ROBO1: variants seen among roughly 807,000 people sequenced by gnomAD.
The protein encoded by ROBO1 is roundabout homolog 1.
ROBO1 carries 149 observed loss-of-function variants against 195.9 expected under a neutral mutation model. That is an observed-to-expected ratio of 0.76 (90% confidence interval 0.67 to 0.87). ROBO1 has a LOEUF of 0.87. Ranked by LOEUF, ROBO1 falls within the 40% of genes least tolerant of loss-of-function variation. The probability of loss-of-function intolerance (pLI) is 0.00; values close to 1 mark genes in which losing one functional copy is unlikely to be tolerated. For missense variants in ROBO1, 1,933 were observed against 2,068.3 expected, an observed-to-expected ratio of 0.93 and a Z score of 1.27; for synonymous variants, 816 against 733.2, an observed-to-expected ratio of 1.11 and a Z score of -1.82.
chr3:79,226,110 A>G (rs2082222774), intron 2 of ROBO1, among the ~76,000 whole-genome samples: 5 of 152,140 alleles, frequency 3.3e-5, no homozygotes, highest in Admixed American at 3.3e-4. Flanking sequence ...AGTTCAAATC[A>G]CCACTCTTAA....
chr3:79,415,304 A>T (rs563643630), intron 2 of ROBO1, among the ~76,000 whole-genome samples: 2 of 152,176 alleles, frequency 1.3e-5, no homozygotes, highest in Non-Finnish European at 2.9e-5. Flanking sequence ...CTGTATAATA[A>T]TATCTTACTT....
In ROBO1 at chr3:78,598,112, T is replaced by G. The variant is rs959132396; in HGVS notation, c.*801A>C. The G allele has an allele frequency of 1.3e-5, 2 of 152,726 alleles. No homozygotes were observed. The highest frequency in any genetic ancestry group is 6.8e-3 in the Middle Eastern group (2 of 294). The allele number at this position is 152,726 out of a possible 1,614,324, so 9.5% of individuals were successfully genotyped here. A position where few individuals can be genotyped will look rare whatever the true frequency, so the allele number is the denominator to read the frequency against. ...CTTACTCAATTGGTCATTAAAAACA[T>G]CCACTTGTTTGTAATACGTATTTAT... On this transcript the variant is annotated 3_prime_UTR_variant, in exon 31 of 31. Transcript: ENST00000464233.
At chr3:79,681,136 A>G (rs183204409) in intron 1 of ROBO1, among the ~76,000 whole-genome samples, 23 of 152,130 alleles carry the variant, frequency 1.5e-4, no homozygotes, top group Admixed American at 3.9e-4. Context: ...TTTAGAAGAG[A>G]CTAACATTAT....
At chr3:78,887,996 T>C (rs2036663135) in intron 4 of ROBO1, among the ~76,000 whole-genome samples, 1 of 152,190 alleles carries the variant, frequency 6.6e-6, no homozygotes, top group South Asian at 2.1e-4. Context: ...TTAATGCTCT[T>C]AATCCTCTTG....
intron 1 of ROBO1, among the ~76,000 whole-genome samples, chr3:79,631,310 A>G (rs1945333707): frequency 6.6e-6 from 1 of 152,050 alleles, no homozygotes; most frequent in Non-Finnish European, 1.5e-5. Context: ...GGAACAGAAT[A>G]GAGAACCCAG....
At chr3:79,290,156 A>G (rs2032153182) in intron 2 of ROBO1, among the ~76,000 whole-genome samples, 2 of 151,980 alleles carry the variant, frequency 1.3e-5, no homozygotes. Flanking sequence ...CTCCTGCCTC[A>G]GCCTCCCTAG....
intron 1 of ROBO1, among the ~76,000 whole-genome samples, chr3:79,684,772 T>G (rs1947051431): frequency 6.6e-6 from 1 of 151,996 alleles, no homozygotes; most frequent in Non-Finnish European, 1.5e-5. Flanking sequence ...GCCTCCCGGG[T>G]TCAAGCAATT....
intron 2 of ROBO1, among the ~76,000 whole-genome samples, chr3:79,257,291 G>A (rs1287877094): frequency 6.6e-6 from 1 of 151,934 alleles, no homozygotes; most frequent in Non-Finnish European, 1.5e-5. Context: ...GACAAAAGAG[G>A]GATTTATCAT....
At chr3:78,813,846 A>C (rs2108640525) in intron 4 of ROBO1, among the ~76,000 whole-genome samples, 1 of 152,168 alleles carries the variant, frequency 6.6e-6, no homozygotes, top group East Asian at 1.9e-4. Context: ...TAAGTTAACT[A>C]ATATGTTGTT....
intron 2 of ROBO1, among the ~76,000 whole-genome samples, chr3:79,552,745 G>T (rs7611200): frequency 0.24 from 36,902 of 151,874 alleles, 5,132 homozygotes; most frequent in African/African-American, 0.37. Context: ...AGATAATTTC[G>T]GTTTGTTAGG....
rs371545922 is a variant in ROBO1, at chr3:78,746,848, T to A, written c.552A>T (p.Gly184=). The change falls in exon 5 of 31, where the codon GGA becomes GGT. Residue 184 remains glycine (G), a synonymous_variant. Coordinates refer to ENST00000464233, the MANE Select transcript of ROBO1 (RefSeq NM_002941.4). The part of the protein sequence containing the change: ...QNPSDVMVAV[G]EPAVMECQPP... The stretch of plus-strand genomic sequence containing the variant: ...GTTGGCATTCCATTACTGCAGGCTC[T>A]CCTACTGCAACCATGACATCCGAAG... The A allele has an allele frequency of 6.3e-7, 1 of 1,595,002 alleles. No homozygotes were observed. The highest frequency in any genetic ancestry group is 8.6e-7 in the Non-Finnish European group (1 of 1,166,778).
intron 2 of ROBO1, among the ~76,000 whole-genome samples, chr3:79,348,405 T>C (rs2109253988): frequency 6.6e-6 from 1 of 152,168 alleles, no homozygotes; most frequent in Middle Eastern, 3.4e-3. Context: ...TAGCTCCTCT[T>C]ACATATGAAG....
chr3:79,655,449 G>A (rs1225458791), intron 1 of ROBO1, among the ~76,000 whole-genome samples: 3 of 152,038 alleles, frequency 2.0e-5, no homozygotes, highest in African/African-American at 7.2e-5. Flanking sequence ...CTACTCTTGT[G>A]TGGAAAATCA....
chr3:79,413,039 A>G (rs938614235), intron 2 of ROBO1, among the ~76,000 whole-genome samples: 1 of 151,312 alleles, frequency 6.6e-6, no homozygotes, highest in African/African-American at 2.4e-5. Context: ...AAATTTATTA[A>G]TTTTTTAATA....
intron 4 of ROBO1, among the ~76,000 whole-genome samples, chr3:78,905,927 A>C (rs1312720533): frequency 6.6e-6 from 1 of 152,166 alleles, no homozygotes; most frequent in Non-Finnish European, 1.5e-5. Flanking sequence ...GCCAGTGTTT[A>C]AACCACTATG....
intron 2 of ROBO1, among the ~76,000 whole-genome samples, chr3:79,540,127 C>CTAA (rs1942010638): frequency 6.6e-6 from 1 of 151,994 alleles, no homozygotes; most frequent in Non-Finnish European, 1.5e-5. Context: ...TTTTCAAAGT[C>CTAA]TAATATTACA....
At chr3:79,179,227 TAC>T (rs1042931271) in intron 2 of ROBO1, among the ~76,000 whole-genome samples, 11 of 152,322 alleles carry the variant, frequency 7.2e-5, no homozygotes, top group African/African-American at 2.6e-4. Flanking sequence ...TGTTCAATGT[TAC>T]AGATACTAGT....
At chr3:79,248,439 G>C (rs1484139203) in intron 2 of ROBO1, among the ~76,000 whole-genome samples, 1 of 147,110 alleles carries the variant, frequency 6.8e-6, no homozygotes, top group African/African-American at 2.5e-5. Context: ...TCAAGTTTCA[G>C]TTAAGAACAT....
chr3:78,948,849 C>T (rs2040607853), intron 3 of ROBO1, among the ~76,000 whole-genome samples: 1 of 152,160 alleles, frequency 6.6e-6, no homozygotes, highest in African/African-American at 2.4e-5. Context: ...AAATCACAAG[C>T]ATTCTTATAC....
Sources: gnomAD v4.1 joint callset for allele counts (sites outside exome capture counted in the v4.1 genomes callset) on GRCh38, gnomAD v4.1.1 for gene constraint, MANE v1.5 for transcripts, NCBI Gene and HGNC (gene_info 2026-07-23, HGNC 2026-07-21) for gene names.